Variants in RFC5 observed in about 807,000 individuals in gnomAD.
RFC5 encodes replication factor C subunit 5, also known as A1 36 kDa subunit.
RFC5 carries 26 observed loss-of-function variants against 44.3 expected under a neutral mutation model. The observed-to-expected ratio is 0.59, with a 90% confidence interval of 0.43 to 0.81. RFC5 has a LOEUF of 0.81. Ranked by LOEUF, RFC5 falls within the 40% of genes least tolerant of loss-of-function variation. RFC5 has a pLI of 0.00. For missense variants in RFC5, 328 were observed against 418.6 expected, an observed-to-expected ratio of 0.78 and a Z score of 1.89; for synonymous variants, 155 against 155.2, an observed-to-expected ratio of 1.00 and a Z score of 0.01.
rs374371013 is a variant in RFC5, at chr12:118,025,803, T to C, written c.638T>C (p.Met213Thr). ...CTAGTCACTCTTTCCAGTGGAGACA[T>C]GCGTAGGGCTCTGAACATTTTGCAG... ...KALVTLSSGD[M>T]RRALNILQST... Residue 213 changes from methionine (M) to threonine (T), a missense_variant, in exon 7 of 11, where the codon ATG (methionine) becomes ACG (threonine). Physicochemically the swap from Met to Thr is moderately conservative, Grantham distance 81. Transcript: ENST00000454402. The C allele has an allele frequency of 3.1e-6, 5 of 1,604,518 alleles. No homozygotes were observed. Among genetic ancestry groups the C allele is most frequent in the African/African-American group, 1.3e-5 (1 of 74,616 alleles).
At chr12:118,022,428 T>C in intron 5 of RFC5, 69 bp downstream of exon 5, 2 of 1,066,442 alleles carry the variant, frequency 1.9e-6, no homozygotes, top group Non-Finnish European at 2.9e-6. Flanking sequence ...AACTTTGTGT[T>C]TGTTGCTGTT....
At chr12:118,034,352 T>C (rs1323768347), downstream of RFC5, 1 of 1,613,618 alleles carries the variant, frequency 6.2e-7, no homozygotes, top group Non-Finnish European at 8.5e-7. Context: ...CGTGGCCATC[T>C]CTTGTCCTAA....
chr12:118,019,806 A>G lies in RFC5; in HGVS notation c.267+38A>G. The G allele has an allele frequency of 1.9e-6, 3 of 1,551,840 alleles. No individual in the cohort carries two copies. The highest frequency in any genetic ancestry group is 2.6e-6 in the Non-Finnish European group (3 of 1,134,290). On this transcript the variant is annotated intron_variant, in intron 3 of 10. Transcript: ENST00000454402. The surrounding 1 kb of genome is among the most constrained non-coding windows in gnomAD (Gnocchi z 4.2). ...GTTCTTACTCTACAAATAACTTAAG[A>G]GACTCCAGTCTCTTAATTTCAGTTC...
At chr12:118,022,445 G>GT (rs1238036155) in intron 5 of RFC5, 86 bp downstream of exon 5, 1 of 943,108 alleles carries the variant, frequency 1.1e-6, no homozygotes, top group Non-Finnish European at 1.7e-6. Context: ...TGTTGTCATT[G>GT]TTTTTTTAGG....
chr12:118,025,398 T>G (rs1482064619), intron 6 of RFC5: 1 of 323,014 alleles, frequency 3.1e-6, no homozygotes, highest in Non-Finnish European at 5.7e-6. Flanking sequence ...GTAGCCGACC[T>G]GAGCAGCTGC....
intron 7 of RFC5, among the ~76,000 whole-genome samples, chr12:118,026,526 G>A (rs2030952892): frequency 1.3e-5 from 2 of 152,176 alleles, no homozygotes; most frequent in Non-Finnish European, 2.9e-5. Context: ...TTGAGCCTAG[G>A]AGGTCGAGGC....
intron 5 of RFC5, 90 bp from the exon 6 acceptor site, chr12:118,024,761 C>T: frequency 1.8e-6 from 2 of 1,123,896 alleles, no homozygotes; most frequent in Admixed American, 2.0e-5. Flanking sequence ...TTCCTATACC[C>T]TTGTGACCAC....
downstream of RFC5, chr12:118,035,164 A>C: frequency 6.2e-7 from 1 of 1,612,258 alleles, no homozygotes; most frequent in Non-Finnish European, 8.5e-7. Flanking sequence ...TGCTGCCATT[A>C]CTTGCAAGCA....
downstream of RFC5, chr12:118,034,450 G>C: frequency 6.8e-7 from 1 of 1,477,652 alleles, no homozygotes; most frequent in Non-Finnish European, 9.2e-7. Context: ...TGACTGCAAA[G>C]AGCAGGAGAC....
chr12:118,035,488 AG>A (rs998335136), downstream of RFC5, among the ~76,000 whole-genome samples: 3 of 152,206 alleles, frequency 2.0e-5, no homozygotes, highest in African/African-American at 7.2e-5. Context: ...GGGAAAAAAA[AG>A]GGTATCTCAG....
At chr12:118,028,381 A>T (rs189024812) in intron 9 of RFC5, among the ~76,000 whole-genome samples, 1 of 151,440 alleles carries the variant, frequency 6.6e-6, no homozygotes, top group East Asian at 2.0e-4. Flanking sequence ...GCTACGTGGG[A>T]GGCTGAGGTG....
At chr12:118,024,290 A>G (rs11068777) in intron 5 of RFC5, among the ~76,000 whole-genome samples, 107,458 of 150,406 alleles carry the variant, frequency 0.71, 39,435 homozygotes, top group African/African-American at 0.9. Flanking sequence ...GCAGGGAGCC[A>G]AGATCGTGCC....
rs752501196 is a variant in RFC5 at position 118,028,101 on chromosome 12, G to A, written c.871+71G>A. ...CTGCTTTGGGGTTAAGGATGGTTAG[G>A]ACAGGAGGCTTCATTCTTGAAGCAA... On this transcript the variant is annotated intron_variant, in intron 9 of 10. Coordinates refer to ENST00000454402, the MANE Select transcript of RFC5 (RefSeq NM_007370.7). The A allele has an allele frequency of 5.8e-5, 52 of 899,634 alleles. 1 individual carries two copies. The highest frequency in any genetic ancestry group is 2.1e-4 in the Middle Eastern group (1 of 4,710). The allele number at this position is 899,634 out of a possible 1,614,324, so 55.7% of individuals were successfully genotyped here.
In RFC5 at chr12:118,025,754, A is replaced by AT. The variant is rs1566126255; in HGVS notation, c.590dup (p.Ser198LysfsTer2). 2 of 1,601,878 alleles carry AT rather than the reference A, an allele frequency of 1.2e-6. No homozygotes were observed. The highest frequency in any genetic ancestry group is 2.2e-5 in the South Asian group (2 of 90,774). ...TTTGCTTATTTCTTTCAGAGTTGAT[A>AT]TAAGTGAAGATGGAATGAAAGCACT... On this transcript the variant is annotated frameshift_variant, in exon 7 of 11. Coordinates refer to ENST00000454402, the MANE Select transcript of RFC5 (RefSeq NM_007370.7). LOFTEE classifies it high-confidence loss of function.
downstream of RFC5, among the ~76,000 whole-genome samples, chr12:118,037,525 A>C (rs1374303391): frequency 1.3e-5 from 2 of 152,202 alleles, no homozygotes; most frequent in South Asian, 4.1e-4. Context: ...AAAATTAGCC[A>C]GGCGTGGTGT....
At chr12:118,030,246 C>T (rs771916695) in intron 10 of RFC5, among the ~76,000 whole-genome samples, 1 of 152,192 alleles carries the variant, frequency 6.6e-6, no homozygotes, top group Non-Finnish European at 1.5e-5. Flanking sequence ...TATTAGCCCC[C>T]AGTGAAGCTG....
At chr12:118,034,464 G>A (rs1314524713), downstream of RFC5, 22 of 1,364,504 alleles carry the variant, frequency 1.6e-5, no homozygotes, top group Non-Finnish European at 2.1e-5. Flanking sequence ...AGGAGACTTC[G>A]GAGAGTGAAA....
In RFC5 at chr12:118,019,112, T is replaced by G; in HGVS notation, c.106T>G (p.Ser36Ala). The G allele has an allele frequency of 6.2e-7, 1 of 1,613,176 alleles. No individual in the cohort carries two copies. The highest frequency in any genetic ancestry group is 8.5e-7 in the Non-Finnish European group (1 of 1,179,182). The change falls in exon 2 of 11, where the codon TCT (serine) becomes GCT (alanine). Residue 36 changes from serine to alanine, a missense_variant. By Grantham distance (99) the Ser-to-Ala change is moderately conservative (BLOSUM62 1). Coordinates refer to ENST00000454402, the MANE Select transcript of RFC5 (RefSeq NM_007370.7). The surrounding 1 kb of genome is among the most constrained non-coding windows in gnomAD (Gnocchi z 4.2). ...GCCACAGACCCTGAATGATCTCATT[T>G]CTCATCAGGACATTCTGAGTACCAG... ...YRPQTLNDLI[S>A]HQDILSTIQK...
At chr12:118,025,069 C>T in intron 6 of RFC5, 59 bp downstream of exon 6, 9 of 1,533,348 alleles carry the variant, frequency 5.9e-6, no homozygotes, top group Non-Finnish European at 8.0e-6. Flanking sequence ...TGTGGGATCA[C>T]TGGCTGGTTC....
Sources: allele counts gnomAD v4.1 joint callset (sites outside exome capture counted in the v4.1 genomes callset), GRCh38; gene constraint gnomAD v4.1.1; non-coding constraint Gnocchi (gnomAD v3.1); transcripts MANE v1.5; gene names NCBI Gene and HGNC (gene_info 2026-07-23, HGNC 2026-07-21).